Variants in JAKMIP1 observed in about 807,000 individuals in gnomAD.
JAKMIP1 encodes the protein janus kinase and microtubule interacting protein 1, also known as janus kinase and microtubule-interacting protein 1.
Under a neutral mutation model 113.0 loss-of-function variants are expected in JAKMIP1, and 33 were observed. The ratio of observed to expected loss-of-function variants is 0.29; its 90% CI spans 0.22 to 0.39. The LOEUF is 0.39. Among genes scored for constraint, JAKMIP1 ranks in the 10% least tolerant of loss-of-function variants. The probability of loss-of-function intolerance (pLI) is 1.00; values close to 1 mark genes in which losing one functional copy is unlikely to be tolerated. For missense variants in JAKMIP1, 813 were observed against 1,080.5 expected, an observed-to-expected ratio of 0.75 and a Z score of 3.47; for synonymous variants, 480 against 459.9, an observed-to-expected ratio of 1.04 and a Z score of -0.56.
At chr4:6,146,704 A>C (rs1720903452) in intron 1 of JAKMIP1, among the ~76,000 whole-genome samples, 1 of 152,234 alleles carries the variant, frequency 6.6e-6, no homozygotes, top group Non-Finnish European at 1.5e-5. Context: ...GTTATGTTAC[A>C]TGTAGAGGAT....
At chr4:6,048,094 A>T (rs911621919) in intron 16 of JAKMIP1, among the ~76,000 whole-genome samples, 1 of 152,246 alleles carries the variant, frequency 6.6e-6, no homozygotes, top group African/African-American at 2.4e-5. Context: ...ACACATAAAA[A>T]ACTCAGTATC....
At chr4:6,196,223 G>A (rs543117066) in intron 1 of JAKMIP1, among the ~76,000 whole-genome samples, 80 of 152,270 alleles carry the variant, frequency 5.3e-4, no homozygotes, top group African/African-American at 1.8e-3. Flanking sequence ...GGCAAAAACC[G>A]TGATTATTTT....
rs1342912226 is a variant in JAKMIP1, at chr4:6,137,406, C to T, written c.-147-24409G>A. Among the ~76,000 whole-genome samples, 1 of 152,244 alleles carries T rather than the reference C, an allele frequency of 6.6e-6. No homozygotes were observed. Among genetic ancestry groups the T allele is most frequent in the Non-Finnish European group, 1.5e-5 (1 of 68,050 alleles). On this transcript the variant is annotated intron_variant, in intron 1 of 20. Coordinates refer to ENST00000409021, the MANE Select transcript of JAKMIP1 (RefSeq NM_001099433.2). This position sits in a 1 kb window ranked among gnomAD's most constrained non-coding sequence, Gnocchi z 4.5. ...GCTGGGAGTCAGGAAATTCACGGCT[C>T]TGGCCCATGGAACCTTAATCACGTC...
At chr4:6,127,196 G>A (rs560067502) in intron 1 of JAKMIP1, among the ~76,000 whole-genome samples, 10 of 152,308 alleles carry the variant, frequency 6.6e-5, no homozygotes, top group South Asian at 4.1e-4. Flanking sequence ...AGCGAGCCCC[G>A]TCCACCTCAC....
chr4:6,029,290 C>T (rs1010543279), intron 20 of JAKMIP1, among the ~76,000 whole-genome samples: 3 of 152,186 alleles, frequency 2.0e-5, no homozygotes, highest in Non-Finnish European at 4.4e-5. Flanking sequence ...GGAGAGGCTG[C>T]GTCTTCCAGG....
At position 6,086,341 on chromosome 4, in the gene JAKMIP1, A is replaced by G. The variant is rs1243047483; in HGVS notation, c.625-712T>C. Among the ~76,000 whole-genome samples, 1 of 151,910 alleles carries G rather than the reference A, an allele frequency of 6.6e-6. No individual in the cohort carries two copies. Among genetic ancestry groups the G allele is most frequent in the East Asian group, 1.9e-4 (1 of 5,136 alleles). On this transcript the variant is annotated intron_variant, in intron 3 of 20. Coordinates refer to ENST00000409021, the MANE Select transcript of JAKMIP1 (RefSeq NM_001099433.2). The surrounding 1 kb of genome is among the most constrained non-coding windows in gnomAD (Gnocchi z 4.1). ...CCGACGGTATCAACCCCACATATGC[A>G]GCAGATCTTAAACACATGCCTCAGC...
Position 6,106,198 on chromosome 4 carries a change from C to A in JAKMIP1, c.130-231G>T, listed in dbSNP as rs1302041294. 6.6e-6 allele frequency among the ~76,000 whole-genome samples: 1 copy of A among 152,198 alleles called. No homozygotes were observed. The highest frequency in any genetic ancestry group is 2.4e-5 in the African/African-American group (1 of 41,454). On this transcript the variant is annotated intron_variant, in intron 2 of 20. Transcript: ENST00000409021. This position sits in a 1 kb window ranked among gnomAD's most constrained non-coding sequence, Gnocchi z 5.9. Reference sequence around the variant, plus strand: ...CTGAGACTTTCCCTGGGGGTGGAAACCCCCTGAGGATGCTGGAGAGGCATT... The same window carrying A: ...CTGAGACTTTCCCTGGGGGTGGAAAACCCCTGAGGATGCTGGAGAGGCATT...
rs371393594 is a variant in JAKMIP1, at chr4:6,155,608, G to A, written c.-147-42611C>T. ...CCTAAAGAACTCACGGAGGATTTAC[G>A]CGCATATTCAGCTGCAGGGACATGC... On this transcript the variant is annotated intron_variant, in intron 1 of 20. Coordinates refer to ENST00000409021, the MANE Select transcript of JAKMIP1 (RefSeq NM_001099433.2). This position sits in a 1 kb window ranked among gnomAD's most constrained non-coding sequence, Gnocchi z 6.1. 1.3e-5 allele frequency among the ~76,000 whole-genome samples: 2 copies of A among 152,180 alleles called. No homozygotes were observed. The highest frequency in any genetic ancestry group is 2.1e-4 in the South Asian group (1 of 4,830).
chr4:6,124,543 C>T (rs1300179774), intron 1 of JAKMIP1, among the ~76,000 whole-genome samples: 1 of 152,220 alleles, frequency 6.6e-6, no homozygotes, highest in Non-Finnish European at 1.5e-5. Context: ...ATTCGTGTGA[C>T]ACAGTGGCCT....
chr4:6,116,284 G>A lies in JAKMIP1; in HGVS notation c.-147-3287C>T, dbSNP rs985320162. Among the ~76,000 whole-genome samples, 3 of 152,110 alleles carry A rather than the reference G, an allele frequency of 2.0e-5. No homozygotes were observed. Among genetic ancestry groups the A allele is most frequent in the Non-Finnish European group, 4.4e-5 (3 of 68,030 alleles). On this transcript the variant is annotated intron_variant, in intron 1 of 20. Transcript: ENST00000409021. This position sits in a 1 kb window ranked among gnomAD's most constrained non-coding sequence, Gnocchi z 5.1. ...CTGCCCAAAGGTCTCATCAGCAGGAGCAACAGCAGGGAACTCTCCTGCCTG... is the reference window on the plus strand; with the variant it reads ...CTGCCCAAAGGTCTCATCAGCAGGAACAACAGCAGGGAACTCTCCTGCCTG...
At chr4:6,053,734 A>G in intron 13 of JAKMIP1, 1 of 1,176,414 alleles carries the variant, frequency 8.5e-7, no homozygotes, top group Non-Finnish European at 1.1e-6. Flanking sequence ...TGGAAATGAA[A>G]CACAAATAAA....
At chr4:6,169,602 AT>A (rs111381934) in intron 1 of JAKMIP1, among the ~76,000 whole-genome samples, 3,827 of 70,638 alleles carry the variant, frequency 0.054, 158 homozygotes, top group African/African-American at 0.12. Context: ...GCCCTAGGAA[AT>A]TGTGTGTGTG....
Position 6,130,831 on chromosome 4 carries a change from T to C in JAKMIP1, c.-147-17834A>G, listed in dbSNP as rs565820292. 2.6e-5 allele frequency among the ~76,000 whole-genome samples: 4 copies of C among 151,426 alleles called. 1 individual carries two copies. In the South Asian group the frequency reaches 8.4e-4, roughly 32 times the overall value. ...ATACGTCAATAGAATATTTCCTAACTGGAAAGCAATGAAAAAAAAGACTAA... is the reference window on the plus strand; with the variant it reads ...ATACGTCAATAGAATATTTCCTAACCGGAAAGCAATGAAAAAAAAGACTAA... On this transcript the variant is annotated intron_variant, in intron 1 of 20. Transcript: ENST00000409021.
intron 3 of JAKMIP1, among the ~76,000 whole-genome samples, chr4:6,087,845 C>T (rs1029903161): frequency 4.6e-5 from 7 of 152,152 alleles, no homozygotes. Context: ...GTGCTCCATG[C>T]AGTTTCTCCT....
chr4:6,165,097 A>G (rs1254440896), intron 1 of JAKMIP1, among the ~76,000 whole-genome samples: 1 of 152,202 alleles, frequency 6.6e-6, no homozygotes, highest in Non-Finnish European at 1.5e-5. Flanking sequence ...TTGGTGAAAG[A>G]GTCCATCGAC....
In JAKMIP1 at chr4:6,162,035, G is replaced by C. The variant is rs1282682037; in HGVS notation, c.-148+38218C>G. On this transcript the variant is annotated intron_variant, in intron 1 of 20. Transcript: ENST00000409021. The surrounding 1 kb of genome is among the most constrained non-coding windows in gnomAD (Gnocchi z 5.6). ...TACATGGTGCCTCCTTGATGGAGCC[G>C]AGCAGGAAGGAAAGGGGTGGATTGC... Among the ~76,000 whole-genome samples, 1 of 150,898 alleles carries C rather than the reference G, an allele frequency of 6.6e-6. No homozygotes were observed. Among genetic ancestry groups the C allele is most frequent in the South Asian group, 2.1e-4 (1 of 4,822 alleles).
rs1722076309 is a variant in JAKMIP1, at chr4:6,155,153, AT to A, written c.-147-42157del. Among the ~76,000 whole-genome samples, 1 of 150,150 alleles carries A rather than the reference AT, an allele frequency of 6.7e-6. No individual in the cohort carries two copies. The highest frequency in any genetic ancestry group is 6.6e-5 in the Admixed American group (1 of 15,234). Reference sequence around the variant, plus strand: ...GTGACAATGCAGTTGACTCTCCGCTATCAAAAGGCCTACACATGAATGCCTG... The same window carrying A: ...GTGACAATGCAGTTGACTCTCCGCTACAAAAGGCCTACACATGAATGCCTG... On this transcript the variant is annotated intron_variant, in intron 1 of 20. Coordinates refer to ENST00000409021, the MANE Select transcript of JAKMIP1 (RefSeq NM_001099433.2). The surrounding 1 kb of genome is among the most constrained non-coding windows in gnomAD (Gnocchi z 6.1).
At chr4:6,029,383 G>A (rs776451046) in intron 20 of JAKMIP1, among the ~76,000 whole-genome samples, 1 of 152,212 alleles carries the variant, frequency 6.6e-6, no homozygotes, top group Non-Finnish European at 1.5e-5. Flanking sequence ...TGTGGTTAGG[G>A]GGATGCCACT....
intron 1 of JAKMIP1, among the ~76,000 whole-genome samples, chr4:6,151,053 T>C (rs1470842169): frequency 1.3e-5 from 2 of 152,150 alleles, no homozygotes; most frequent in Non-Finnish European, 2.9e-5. Context: ...CCGCCATACC[T>C]TCCCCAGTCT....
Sources: gnomAD v4.1 joint callset for allele counts (sites outside exome capture counted in the v4.1 genomes callset) on GRCh38, gnomAD v4.1.1 for gene constraint, Gnocchi (gnomAD v3.1) non-coding constraint, MANE v1.5 for transcripts, NCBI Gene and HGNC (gene_info 2026-07-23, HGNC 2026-07-21) for gene names.